The following FUT9 variants were observed in gnomAD, a reference collection of about 807,000 sequenced individuals.
FUT9 encodes fucosyltransferase 9.
In FUT9, 15 loss-of-function variants were observed where a neutral mutation model predicts 29.7. That is an observed-to-expected ratio of 0.51 (90% confidence interval 0.34 to 0.78). FUT9 has a LOEUF of 0.78. FUT9 is among the 30% of genes least tolerant of loss of function. The pLI, the probability that FUT9 is intolerant of heterozygous loss-of-function variation, is 0.01. For missense variants in FUT9, 319 were observed against 425.4 expected (o/e 0.75, Z 2.20); for synonymous variants, 169 against 153.7 (o/e 1.10, Z -0.74).
intron 1 of FUT9, among the ~76,000 whole-genome samples, chr6:96,043,103 G>C (rs1302753226): frequency 1.3e-5 from 2 of 152,196 alleles, no homozygotes; most frequent in Non-Finnish European, 2.9e-5. Context: ...CCAGGCTGGA[G>C]TGCGGTGGCG....
chr6:96,111,577 ACACACAC>A (rs1351122946), intron 1 of FUT9, among the ~76,000 whole-genome samples: 1 of 137,760 alleles, frequency 7.3e-6, no homozygotes, highest in Non-Finnish European at 1.6e-5. Context: ...ACACACACAC[ACACACAC>A]AAATCTGAGT....
At chr6:96,196,276 T>C (rs558245688) in intron 2 of FUT9, among the ~76,000 whole-genome samples, 1 of 152,268 alleles carries the variant, frequency 6.6e-6, no homozygotes, top group South Asian at 2.1e-4. Flanking sequence ...ACTTATTTGA[T>C]CATAGCTTTA....
chr6:96,152,578 T>A (rs1467275053), intron 2 of FUT9, among the ~76,000 whole-genome samples: 1 of 152,188 alleles, frequency 6.6e-6, no homozygotes, highest in Non-Finnish European at 1.5e-5. Context: ...TGGATAATTA[T>A]AATTTTATAA....
chr6:96,029,631 C>G, intron 1 of FUT9, among the ~76,000 whole-genome samples: 1 of 151,446 alleles, frequency 6.6e-6, no homozygotes, highest in Non-Finnish European at 1.5e-5. Context: ...TTATTTTGCA[C>G]TTGATATTTG....
chr6:96,192,441 T>G (rs1260725532), intron 2 of FUT9, among the ~76,000 whole-genome samples: 1 of 152,032 alleles, frequency 6.6e-6, no homozygotes, highest in African/African-American at 2.4e-5. Flanking sequence ...ATGAGTGAAC[T>G]CCCATTCACA....
At chr6:96,114,556 A>G (rs1771874813) in intron 2 of FUT9, among the ~76,000 whole-genome samples, 1 of 151,298 alleles carries the variant, frequency 6.6e-6, no homozygotes, top group Non-Finnish European at 1.5e-5. Flanking sequence ...ATGGGTTTTA[A>G]TTTGGGGTAG....
intron 1 of FUT9, among the ~76,000 whole-genome samples, chr6:96,086,646 T>A (rs1051795980): frequency 6.6e-6 from 1 of 152,232 alleles, no homozygotes; most frequent in Non-Finnish European, 1.5e-5. Context: ...GGACTTTAAT[T>A]TTGTAATCAA....
At chr6:96,053,558 A>G (rs1224800722) in intron 1 of FUT9, among the ~76,000 whole-genome samples, 1 of 151,968 alleles carries the variant, frequency 6.6e-6, no homozygotes, top group East Asian at 1.9e-4. Flanking sequence ...AATACAAAAA[A>G]GTTAGCCGGG....
chr6:96,161,399 C>T (rs1242130317), intron 2 of FUT9, among the ~76,000 whole-genome samples: 2 of 152,118 alleles, frequency 1.3e-5, no homozygotes, highest in Non-Finnish European at 2.9e-5. Context: ...GACTTTCCAG[C>T]CTTCAGAGCT....
chr6:96,158,380 G>A (rs889063779), intron 2 of FUT9, among the ~76,000 whole-genome samples: 1 of 152,114 alleles, frequency 6.6e-6, no homozygotes, highest in East Asian at 1.9e-4. Flanking sequence ...TATATGATAT[G>A]TGTGTATGTA....
chr6:96,070,282 A>T (rs1023256533), intron 1 of FUT9, among the ~76,000 whole-genome samples: 1 of 152,208 alleles, frequency 6.6e-6, no homozygotes, highest in Non-Finnish European at 1.5e-5. Flanking sequence ...CAGAAAAAAG[A>T]CATTTATTTA....
chr6:96,116,987 C>A (rs1427991318), intron 2 of FUT9, among the ~76,000 whole-genome samples: 2 of 151,874 alleles, frequency 1.3e-5, no homozygotes, highest in African/African-American at 4.8e-5. Flanking sequence ...ATGTATTATC[C>A]CAAAATGGGG....
chr6:96,133,155 CTT>C lies in FUT9; in HGVS notation c.-9+19031_-9+19032del, dbSNP rs1365167372. Among the ~76,000 whole-genome samples, 9 of 151,786 alleles carry C rather than the reference CTT, an allele frequency of 5.9e-5. No homozygotes were observed. In the South Asian group the frequency reaches 1.9e-3, roughly 32 times the overall value. ...ATAATAATAACAACAATATTCTTGT[CTT>C]TTAGGGAAGGTATGGACCATTTGTA... On this transcript the variant is annotated intron_variant, in intron 2 of 2. Transcript: ENST00000302103.
intron 2 of FUT9, among the ~76,000 whole-genome samples, chr6:96,189,257 G>A (rs1773461216): frequency 6.6e-6 from 1 of 152,036 alleles, no homozygotes. Context: ...CTGTGAGAGG[G>A]ACAAGCATGG....
chr6:96,175,637 G>T (rs571258206), intron 2 of FUT9, among the ~76,000 whole-genome samples: 24 of 152,226 alleles, frequency 1.6e-4, no homozygotes, highest in Admixed American at 7.2e-4. Context: ...CCTTCTACCT[G>T]AGCCTCAAAT....
At chr6:96,033,879 T>G (rs1191886612) in intron 1 of FUT9, among the ~76,000 whole-genome samples, 1 of 151,390 alleles carries the variant, frequency 6.6e-6, no homozygotes, top group Non-Finnish European at 1.5e-5. Flanking sequence ...TGCTTACATA[T>G]AAATACACAC....
chr6:96,185,388 G>A (rs1582293232), intron 2 of FUT9, among the ~76,000 whole-genome samples: 1 of 152,210 alleles, frequency 6.6e-6, no homozygotes, highest in South Asian at 2.1e-4. Flanking sequence ...CTAGATGTAG[G>A]ATTTAGGCAG....
At chr6:96,129,281 A>C (rs1476105483) in intron 2 of FUT9, among the ~76,000 whole-genome samples, 2 of 93,108 alleles carry the variant, frequency 2.1e-5, no homozygotes, top group African/African-American at 6.6e-5. Context: ...AAAAAAAAAA[A>C]AAAAAAAAAA....
At chr6:96,183,308 CTT>C (rs1210868717) in intron 2 of FUT9, among the ~76,000 whole-genome samples, 1 of 152,014 alleles carries the variant, frequency 6.6e-6, no homozygotes, top group Non-Finnish European at 1.5e-5. Flanking sequence ...CATCTGGAAA[CTT>C]TGCTGAATTC....
Sources: allele counts gnomAD v4.1 joint callset (sites outside exome capture counted in the v4.1 genomes callset), GRCh38; gene constraint gnomAD v4.1.1; transcripts MANE v1.5; gene names NCBI Gene and HGNC (gene_info 2026-07-23, HGNC 2026-07-21).